The following CDH13 variants were observed in gnomAD, a reference collection of about 807,000 sequenced individuals.
CDH13 encodes cadherin-13.
CDH13 carries 24 observed loss-of-function variants against 63.8 expected under a neutral mutation model. That is an observed-to-expected ratio of 0.38 (90% CI 0.27 to 0.53). The LOEUF is 0.53. Ranked by LOEUF, CDH13 falls within the 20% of genes least tolerant of loss-of-function variation. The pLI is 0.85. For synonymous variants in CDH13, 503 were observed against 355.3 expected, an observed-to-expected ratio of 1.42 and a Z score of -4.67; for missense variants, 1,049 against 903.1, an observed-to-expected ratio of 1.16 and a Z score of -2.07.
intron 12 of CDH13, 140 bp downstream of exon 12, chr16:83,780,341 G>A (rs1915432846): frequency 3.3e-6 from 2 of 604,424 alleles, no homozygotes; most frequent in Non-Finnish European, 5.7e-6. Flanking sequence ...TAAATACTGA[G>A]AATTTTCCCA....
chr16:83,747,664 A>G (rs60765537), intron 10 of CDH13, among the ~76,000 whole-genome samples: 5,523 of 150,512 alleles, frequency 0.037, 376 homozygotes, highest in African/African-American at 0.13. Flanking sequence ...GAGGTGCCCA[A>G]TATTGCCCTG....
chr16:83,182,992 T>A (rs1443327908), intron 4 of CDH13, among the ~76,000 whole-genome samples: 5 of 151,970 alleles, frequency 3.3e-5, no homozygotes, highest in Non-Finnish European at 7.4e-5. Context: ...TAAAAAAGAA[T>A]AAAAAATAAA....
At chr16:82,920,871 T>TACATACATACA in intron 2 of CDH13, among the ~76,000 whole-genome samples, 1 of 152,336 alleles carries the variant, frequency 6.6e-6, no homozygotes, top group African/African-American at 2.4e-5. Flanking sequence ...CTGAAGGCTT[T>TACATACATACA]TCAGATGTGC....
chr16:83,373,045 G>T (rs1473233113), intron 6 of CDH13, among the ~76,000 whole-genome samples: 1 of 152,118 alleles, frequency 6.6e-6, no homozygotes, highest in Non-Finnish European at 1.5e-5. Flanking sequence ...CAATAAAATT[G>T]ATCATCTCTA....
At chr16:83,037,702 A>G (rs577059461) in intron 3 of CDH13, among the ~76,000 whole-genome samples, 2 of 152,318 alleles carry the variant, frequency 1.3e-5, no homozygotes, top group African/African-American at 4.8e-5. Context: ...CTGCTAGAGT[A>G]CAAATTTGAA....
chr16:83,563,222 C>T (rs2075738342), intron 7 of CDH13, among the ~76,000 whole-genome samples: 2 of 152,220 alleles, frequency 1.3e-5, no homozygotes, highest in African/African-American at 4.8e-5. Flanking sequence ...CCAACAGAGC[C>T]TAATAACATG....
At chr16:83,345,632 G>A (rs1042024033) in intron 6 of CDH13, among the ~76,000 whole-genome samples, 1 of 152,120 alleles carries the variant, frequency 6.6e-6, no homozygotes, top group Non-Finnish European at 1.5e-5. Flanking sequence ...GACGGTTTTA[G>A]AATTTAGAGC....
At chr16:83,512,374 T>C (rs1007314305) in intron 7 of CDH13, among the ~76,000 whole-genome samples, 2 of 110,624 alleles carry the variant, frequency 1.8e-5, no homozygotes, top group Non-Finnish European at 3.9e-5. Context: ...ATAAATAAAA[T>C]AAAAATAAAG....
intron 2 of CDH13, among the ~76,000 whole-genome samples, chr16:82,997,282 A>G (rs552533642): frequency 8.7e-4 from 132 of 152,298 alleles, no homozygotes; most frequent in African/African-American, 3.1e-3. Context: ...TTCACTGACA[A>G]GCAAATGTGT....
At chr16:83,042,597 A>T (rs541854344) in intron 3 of CDH13, among the ~76,000 whole-genome samples, 1 of 152,336 alleles carries the variant, frequency 6.6e-6, no homozygotes, top group East Asian at 1.9e-4. Flanking sequence ...AATCATCCCA[A>T]AACCGCCACC....
intron 2 of CDH13, among the ~76,000 whole-genome samples, chr16:82,881,010 T>C (rs541718952): frequency 1.3e-5 from 2 of 152,346 alleles, no homozygotes; most frequent in African/African-American, 4.8e-5. Flanking sequence ...CTTCATATTT[T>C]CCTCTGGGTT....
At chr16:83,767,527 C>A (rs1458723193) in intron 11 of CDH13, among the ~76,000 whole-genome samples, 4 of 152,112 alleles carry the variant, frequency 2.6e-5, no homozygotes, top group Non-Finnish European at 5.9e-5. Flanking sequence ...TTGGGTATAT[C>A]TTTATTAGCA....
intron 7 of CDH13, among the ~76,000 whole-genome samples, chr16:83,550,711 T>C (rs2075475292): frequency 6.6e-6 from 1 of 152,162 alleles, no homozygotes; most frequent in Admixed American, 6.5e-5. Flanking sequence ...ATCTACTTTG[T>C]TCACTGTTCT....
At chr16:82,663,835 C>G (rs924077510) in intron 1 of CDH13, among the ~76,000 whole-genome samples, 1 of 152,202 alleles carries the variant, frequency 6.6e-6, no homozygotes, top group Non-Finnish European at 1.5e-5. Context: ...ATTTACCTCT[C>G]TGCTAGCTTA....
intron 3 of CDH13, among the ~76,000 whole-genome samples, chr16:83,073,702 CAA>C (rs959850721): frequency 6.6e-6 from 1 of 151,792 alleles, no homozygotes; most frequent in Admixed American, 6.6e-5. Flanking sequence ...TAGCTCTTCA[CAA>C]AAGTTTTAAG....
chr16:83,591,249 C>A (rs1438363716), intron 7 of CDH13, among the ~76,000 whole-genome samples: 2 of 152,206 alleles, frequency 1.3e-5, no homozygotes, highest in East Asian at 3.9e-4. Context: ...GACTCTATGT[C>A]TTACGTACCT....
chr16:83,552,045 A>G (rs1383872973), intron 7 of CDH13, among the ~76,000 whole-genome samples: 1 of 152,228 alleles, frequency 6.6e-6, no homozygotes, highest in Non-Finnish European at 1.5e-5. Context: ...TCATAAACTG[A>G]TTCATTCCAG....
intron 10 of CDH13, among the ~76,000 whole-genome samples, chr16:83,695,504 G>C (rs974475969): frequency 1.3e-4 from 20 of 152,204 alleles, no homozygotes; most frequent in African/African-American, 4.3e-4. Context: ...GCGAAAGCAG[G>C]TGCCCTTTCT....
At chr16:83,221,667 GC>G in intron 5 of CDH13, among the ~76,000 whole-genome samples, 1 of 148,700 alleles carries the variant, frequency 6.7e-6, no homozygotes, top group South Asian at 2.2e-4. Context: ...CGGTGGGGGG[GC>G]GGTTGGGATG....
Sources: gnomAD v4.1 joint callset for allele counts (sites outside exome capture counted in the v4.1 genomes callset) on GRCh38, gnomAD v4.1.1 for gene constraint, MANE v1.5 for transcripts, NCBI Gene and HGNC (gene_info 2026-07-23, HGNC 2026-07-21) for gene names.